Variants in TMOD1 observed in about 807,000 individuals in gnomAD.
The protein encoded by TMOD1 is tropomodulin 1.
Under a neutral mutation model 40.6 loss-of-function variants are expected in TMOD1, and 17 were observed. That is an observed-to-expected ratio of 0.42 (90% CI 0.29 to 0.63). The LOEUF (loss-of-function observed/expected upper bound fraction) is 0.63. Ranked by LOEUF, TMOD1 falls within the 20% of genes least tolerant of loss-of-function variation. The pLI is 0.22. For synonymous variants in TMOD1, 181 were observed against 175.0 expected (o/e 1.03, Z -0.27); for missense variants, 391 against 447.6 (o/e 0.87, Z 1.14).
intron 9 of TMOD1, among the ~76,000 whole-genome samples, chr9:97,594,256 T>C (rs777235195): frequency 2.6e-5 from 4 of 152,226 alleles, no homozygotes; most frequent in Non-Finnish European, 5.9e-5. Context: ...TACTTGGTGA[T>C]GTAGGATCTC....
intron 1 of TMOD1, among the ~76,000 whole-genome samples, chr9:97,506,028 C>T (rs1307666702): frequency 2.6e-5 from 4 of 152,220 alleles, no homozygotes; most frequent in Admixed American, 2.0e-4. Context: ...CCAAAATCAT[C>T]TCTAGGCACT....
intron 4 of TMOD1, among the ~76,000 whole-genome samples, chr9:97,562,334 G>C (rs1012795031): frequency 6.6e-6 from 1 of 152,192 alleles, no homozygotes; most frequent in Non-Finnish European, 1.5e-5. Context: ...AGATCTCAGA[G>C]ACACTGGGAT....
At chr9:97,571,379 C>T (rs1024659703) in intron 8 of TMOD1, among the ~76,000 whole-genome samples, 1 of 152,182 alleles carries the variant, frequency 6.6e-6, no homozygotes, top group Non-Finnish European at 1.5e-5. Context: ...CATTTACTTC[C>T]CTGAGCCTCC....
rs1320961250 is a variant in TMOD1, at chr9:97,601,689, C to G, written c.*1991C>G. 1 of 579,902 alleles carries G rather than the reference C, an allele frequency of 1.7e-6. No individual in the cohort carries two copies. The highest frequency in any genetic ancestry group is 2.0e-5 in the African/African-American group (1 of 49,766). 35.9% of individuals were successfully genotyped at this position (579,902 alleles called of 1,614,324 possible). A position where few individuals can be genotyped will look rare whatever the true frequency, so the allele number is the denominator to read the frequency against. ...GCAACTATTCAACTCTGCCATAGAT[C>G]ATGTGTAAAGGAATGGGTGTGGCTG... On this transcript the variant is annotated 3_prime_UTR_variant, in exon 10 of 10. Coordinates refer to ENST00000259365, the MANE Select transcript of TMOD1 (RefSeq NM_003275.4).
intron 8 of TMOD1, among the ~76,000 whole-genome samples, chr9:97,571,024 C>A (rs75153064): frequency 0.012 from 1,849 of 152,302 alleles, 30 homozygotes; most frequent in Non-Finnish European, 0.02. Context: ...ACCCCTTCTG[C>A]GCCCTCCCTT....
intron 1 of TMOD1, among the ~76,000 whole-genome samples, chr9:97,511,742 A>C (rs1458125507): frequency 1.3e-5 from 2 of 151,864 alleles, no homozygotes; most frequent in Non-Finnish European, 2.9e-5. Flanking sequence ...GCGCCATCAC[A>C]CCTAGCTAAT....
chr9:97,588,383 T>C (rs1015569695), intron 8 of TMOD1, among the ~76,000 whole-genome samples: 1 of 152,232 alleles, frequency 6.6e-6, no homozygotes, highest in African/African-American at 2.4e-5. Context: ...TTTGCCATTT[T>C]TATCTTTACA....
chr9:97,542,364 A>C (rs1003227528), intron 2 of TMOD1, among the ~76,000 whole-genome samples: 1 of 152,240 alleles, frequency 6.6e-6, no homozygotes, highest in Admixed American at 6.5e-5. Context: ...AGTTATTAGA[A>C]AAGGCCTTTG....
intron 2 of TMOD1, among the ~76,000 whole-genome samples, chr9:97,529,336 A>G (rs1289090292): frequency 1.3e-5 from 2 of 152,108 alleles, no homozygotes; most frequent in African/African-American, 2.4e-5. Context: ...ATGGCCTTGG[A>G]AGCCCCCTCT....
intron 4 of TMOD1, among the ~76,000 whole-genome samples, chr9:97,556,424 C>G (rs1830538133): frequency 6.6e-6 from 1 of 152,066 alleles, no homozygotes; most frequent in African/African-American, 2.4e-5. Context: ...GTGGTTGGAG[C>G]CTTTTTCACA....
intron 3 of TMOD1, among the ~76,000 whole-genome samples, chr9:97,548,739 A>G (rs1830404944): frequency 6.6e-6 from 1 of 152,154 alleles, no homozygotes; most frequent in African/African-American, 2.4e-5. Context: ...GACCAAGGAG[A>G]ATAGTTAGCA....
intron 4 of TMOD1, among the ~76,000 whole-genome samples, chr9:97,561,440 C>A (rs914244051): frequency 1.8e-4 from 27 of 152,190 alleles, no homozygotes; most frequent in African/African-American, 6.5e-4. Flanking sequence ...CTGAGCTCCA[C>A]CCCCAGATAT....
intron 2 of TMOD1, among the ~76,000 whole-genome samples, chr9:97,543,726 G>A (rs1014920290): frequency 2.0e-5 from 3 of 152,196 alleles, no homozygotes; most frequent in Non-Finnish European, 4.4e-5. Flanking sequence ...TGTTTGCAGG[G>A]CAGTGAGGTA....
At position 97,601,097 on chromosome 9, in the gene TMOD1, G is replaced by A. The variant is rs535091350; in HGVS notation, c.*1399G>A. Reference sequence around the variant, plus strand: ...CTGGAGGCGGGGCCAGGGCCTCAGCGCTATGGAAGAGTGTCCACTGAGGCT... The same window carrying A: ...CTGGAGGCGGGGCCAGGGCCTCAGCACTATGGAAGAGTGTCCACTGAGGCT... On this transcript the variant is annotated 3_prime_UTR_variant, in exon 10 of 10. Coordinates refer to ENST00000259365, the MANE Select transcript of TMOD1 (RefSeq NM_003275.4). 1.5e-5 allele frequency: 20 copies of A among 1,304,272 alleles called. No homozygotes were observed. Among genetic ancestry groups the A allele is most frequent in the African/African-American group, 4.5e-5 (3 of 66,000 alleles). 80.8% of individuals were successfully genotyped at this position (1,304,272 alleles called of 1,614,324 possible).
At chr9:97,524,105 A>G in intron 1 of TMOD1, 36 bp from the exon 2 acceptor site, 20 of 1,501,556 alleles carry the variant, frequency 1.3e-5, no homozygotes, top group Non-Finnish European at 1.8e-5. Context: ...AGCAAATCTG[A>G]GACGGGTCTT....
rs375243128 is a variant in TMOD1, at chr9:97,553,261, G to T, written c.278-20G>T. The stretch of plus-strand genomic sequence containing the variant: ...TTCCATTGCAGCCACTCCCGTAACA[G>T]GTCCCCTGTGTGTTTGCAGGAAAGG... On this transcript the variant is annotated intron_variant, in intron 3 of 9. Coordinates refer to ENST00000259365, the MANE Select transcript of TMOD1 (RefSeq NM_003275.4). The T allele has an allele frequency of 6.2e-7, 1 of 1,613,680 alleles. No homozygotes were observed. Among genetic ancestry groups the T allele is most frequent in the Admixed American group, 1.7e-5 (1 of 60,018 alleles).
At chr9:97,598,327 CAAAAAA>C (rs71369518) in intron 9 of TMOD1, among the ~76,000 whole-genome samples, 1 of 71,188 alleles carries the variant, frequency 1.4e-5, no homozygotes, top group African/African-American at 5.3e-5. Flanking sequence ...AACTCCATCT[CAAAAAA>C]AAAAAAAAAA....
intron 4 of TMOD1, among the ~76,000 whole-genome samples, chr9:97,559,772 T>TAAAAAAAAAAA (rs58522887): frequency 1.1e-4 from 4 of 36,844 alleles, no homozygotes; most frequent in African/African-American, 4.5e-4. Flanking sequence ...CTCAAAAATT[T>TAAAAAAAAAAA]AAAAAAAAAA....
At chr9:97,550,353 G>A (rs563683414) in intron 3 of TMOD1, among the ~76,000 whole-genome samples, 4 of 152,298 alleles carry the variant, frequency 2.6e-5, no homozygotes, top group African/African-American at 7.2e-5. Context: ...GTATTTGTTC[G>A]AATACCTGTT....
Sources: allele counts gnomAD v4.1 joint callset (sites outside exome capture counted in the v4.1 genomes callset), GRCh38; gene constraint gnomAD v4.1.1; transcripts MANE v1.5; gene names NCBI Gene and HGNC (gene_info 2026-07-23, HGNC 2026-07-21).